The following EEFSEC variants were observed in gnomAD, a reference collection of about 807,000 sequenced individuals.
The protein encoded by EEFSEC is selenocysteine-specific elongation factor.
Under a neutral mutation model 42.1 loss-of-function variants are expected in EEFSEC, and 43 were observed. That is an observed-to-expected ratio of 1.02 (90% CI 0.80 to 1.32). The LOEUF is 1.32. Among genes scored for constraint, EEFSEC ranks in the 40% most tolerant of loss-of-function variants. The pLI, the probability that EEFSEC is intolerant of heterozygous loss-of-function variation, is 0.00. For synonymous variants in EEFSEC, 354 were observed against 339.1 expected (o/e 1.04, Z -0.48); for missense variants, 745 against 803.6 (o/e 0.93, Z 0.88).
intron 1 of EEFSEC, among the ~76,000 whole-genome samples, chr3:128,196,412 A>G (rs1417756060): frequency 1.3e-5 from 2 of 152,210 alleles, no homozygotes; most frequent in Non-Finnish European, 1.5e-5. Context: ...GTGGCCCTTT[A>G]TATATATTTA....
In EEFSEC at chr3:128,264,607, T is replaced by C. The variant is rs1182018060; in HGVS notation, c.622-10T>C. ...CCCCACGGACTGTGGCACCAGTTTC[T>C]CTTTTCTAGCTCCTGACGTCCCAGA... On this transcript the variant is annotated splice_polypyrimidine_tract_variant and intron_variant, in intron 3 of 6. Coordinates refer to ENST00000254730, the MANE Select transcript of EEFSEC (RefSeq NM_021937.5). 6.2e-7 allele frequency: 1 copy of C among 1,612,870 alleles called. No homozygotes were observed. The highest frequency in any genetic ancestry group is 1.1e-5 in the South Asian group (1 of 91,028).
At chr3:128,390,787 A>G (rs114363481) in intron 6 of EEFSEC, among the ~76,000 whole-genome samples, 2,557 of 152,172 alleles carry the variant, frequency 0.017, 39 homozygotes, top group Admixed American at 0.029. Flanking sequence ...ACCCACACAA[A>G]CACACCCTCA....
chr3:128,161,368 T>G (rs1248618262), intron 1 of EEFSEC, among the ~76,000 whole-genome samples: 2 of 152,196 alleles, frequency 1.3e-5, no homozygotes, highest in African/African-American at 4.8e-5. Context: ...TGGCAATTTA[T>G]AGTCCTCTGG....
At chr3:128,196,485 A>G (rs1297401919) in intron 1 of EEFSEC, among the ~76,000 whole-genome samples, 1 of 152,246 alleles carries the variant, frequency 6.6e-6, no homozygotes. Context: ...AACTTTGGGT[A>G]ATAACAGTAT....
intron 4 of EEFSEC, among the ~76,000 whole-genome samples, chr3:128,323,928 C>A (rs741926): frequency 1.3e-5 from 2 of 152,308 alleles, no homozygotes; most frequent in African/African-American, 4.8e-5. Flanking sequence ...AGCGCCTCCC[C>A]CCCTGTGGCA....
chr3:128,244,731 T>C (rs1298390340), intron 1 of EEFSEC, among the ~76,000 whole-genome samples: 1 of 152,172 alleles, frequency 6.6e-6, no homozygotes. Flanking sequence ...ATTTTATGTG[T>C]GTCGAAGCAA....
chr3:128,215,092 C>T (rs1428579259), intron 1 of EEFSEC, among the ~76,000 whole-genome samples: 2 of 152,082 alleles, frequency 1.3e-5, no homozygotes, highest in Non-Finnish European at 2.9e-5. Context: ...AGTCTCTTCA[C>T]CTCCTTGCCT....
intron 6 of EEFSEC, among the ~76,000 whole-genome samples, chr3:128,380,140 A>G (rs2067757563): frequency 6.6e-6 from 1 of 152,122 alleles, no homozygotes; most frequent in Admixed American, 6.6e-5. Flanking sequence ...GCTTGGTGCC[A>G]TTTCTCGTGA....
chr3:128,235,261 G>A (rs1205490157), intron 1 of EEFSEC, among the ~76,000 whole-genome samples: 1 of 151,618 alleles, frequency 6.6e-6, no homozygotes, highest in African/African-American at 2.4e-5. Context: ...TAGAGATGGG[G>A]TCTCTCCATG....
At chr3:128,422,085 T>G in the EEFSEC span, among the ~76,000 whole-genome samples, 1 of 152,082 alleles carries the variant, frequency 6.6e-6, no homozygotes, top group Non-Finnish European at 1.5e-5. Flanking sequence ...CTCTGAACCC[T>G]CTGGGGGGTC....
chr3:128,332,243 G>A (rs1409222520), intron 4 of EEFSEC, among the ~76,000 whole-genome samples: 1 of 152,162 alleles, frequency 6.6e-6, no homozygotes, highest in Non-Finnish European at 1.5e-5. Context: ...ATATATTGCT[G>A]CAGGAGGGAG....
chr3:128,244,930 T>A, intron 1 of EEFSEC, among the ~76,000 whole-genome samples: 1 of 152,208 alleles, frequency 6.6e-6, no homozygotes, highest in East Asian at 1.9e-4. Flanking sequence ...TGTATAGTAT[T>A]CTGTCATGGC....
intron 6 of EEFSEC, among the ~76,000 whole-genome samples, chr3:128,370,058 G>A (rs2067635452): frequency 6.6e-6 from 1 of 152,226 alleles, no homozygotes; most frequent in Non-Finnish European, 1.5e-5. Context: ...TCAGTGAAAG[G>A]TGGCACCTGC....
rs1305998788 is a variant in EEFSEC, at chr3:128,153,685, C to T, written c.178C>T (p.Leu60=). The T allele has an allele frequency of 6.3e-7, 1 of 1,593,090 alleles. No homozygotes were observed. The highest frequency in any genetic ancestry group is 1.1e-5 in the South Asian group (1 of 89,634). Residue 60 remains leucine, a synonymous_variant, in exon 1 of 7, where the codon CTG becomes TTG. Transcript: ENST00000254730. Reference sequence around the variant, plus strand: ...GGGCTTCTCGTGCTTCTCGGTGCCGCTGCCCGCGCGCCTGCGGTCGTCTTT... The same window carrying T: ...GGGCTTCTCGTGCTTCTCGGTGCCGTTGCCCGCGCGCCTGCGGTCGTCTTT... ...DLGFSCFSVP[L]PARLRSSLPE... is the part of the protein sequence containing the mutation.
chr3:128,363,052 G>A (rs2067547463), intron 6 of EEFSEC, among the ~76,000 whole-genome samples: 1 of 152,174 alleles, frequency 6.6e-6, no homozygotes, highest in Non-Finnish European at 1.5e-5. Flanking sequence ...GATTATCAGG[G>A]AGAGCCAGCA....
intron 6 of EEFSEC, among the ~76,000 whole-genome samples, chr3:128,378,540 C>G (rs778826054): frequency 3.9e-5 from 6 of 152,222 alleles, no homozygotes; most frequent in Non-Finnish European, 5.9e-5. Flanking sequence ...CAGGGAGCCA[C>G]TGAGGGTCTT....
chr3:128,155,466 C>G lies in EEFSEC; in HGVS notation c.316+1643C>G, dbSNP rs147677416. Among the ~76,000 whole-genome samples the G allele has an allele frequency of 2.5e-3, 386 of 152,194 alleles. 3 individuals are homozygous for G. Among genetic ancestry groups the G allele is most frequent in the African/African-American group, 8.9e-3 (369 of 41,502 alleles). On this transcript the variant is annotated intron_variant, in intron 1 of 6. Coordinates refer to ENST00000254730, the MANE Select transcript of EEFSEC (RefSeq NM_021937.5). ...ACTTTTCCAGACCCATTTAACTCCA[C>G]TTAAATATATGGATAGAGTTTTAAA...
intron 1 of EEFSEC, among the ~76,000 whole-genome samples, chr3:128,217,768 G>C (rs2065824907): frequency 6.6e-6 from 1 of 152,182 alleles, no homozygotes; most frequent in African/African-American, 2.4e-5. Flanking sequence ...ATTGTCCTGG[G>C]GACAGTCCTC....
intron 6 of EEFSEC, among the ~76,000 whole-genome samples, chr3:128,391,533 G>A (rs2067913008): frequency 6.6e-6 from 1 of 152,220 alleles, no homozygotes; most frequent in Admixed American, 6.5e-5. Flanking sequence ...TCAGGGTGTG[G>A]TGGAGTCCAG....
Sources: gnomAD v4.1 joint callset for allele counts (sites outside exome capture counted in the v4.1 genomes callset) on GRCh38, gnomAD v4.1.1 for gene constraint, MANE v1.5 for transcripts, NCBI Gene and HGNC (gene_info 2026-07-23, HGNC 2026-07-21) for gene names.